Variants in MYH10 observed in about 807,000 individuals in gnomAD.
MYH10 encodes myosin-10.
In MYH10, 55 loss-of-function variants were observed where a neutral mutation model predicts 257.8. That is an observed-to-expected ratio of 0.21 (90% confidence interval 0.17 to 0.27). The LOEUF (loss-of-function observed/expected upper bound fraction) is 0.27, where lower values mean the gene tolerates loss of function less well. Among genes scored for constraint, MYH10 ranks in the 10% least tolerant of loss-of-function variants. The probability of loss-of-function intolerance (pLI) is 1.00; values close to 1 mark genes in which losing one functional copy is unlikely to be tolerated. For missense variants in MYH10, 1,631 were observed against 2,500.6 expected, an observed-to-expected ratio of 0.65 and a Z score of 7.42; for synonymous variants, 854 against 921.7, an observed-to-expected ratio of 0.93 and a Z score of 1.33.
chr17:8,614,528 A>C (rs1380310291), intron 2 of MYH10, among the ~76,000 whole-genome samples: 1 of 152,004 alleles, frequency 6.6e-6, no homozygotes, highest in African/African-American at 2.4e-5. Context: ...CATTTTGGCC[A>C]GGCTGGTCTT....
In MYH10 at chr17:8,506,618, A is replaced by G; in HGVS notation, c.3215-129T>C. On this transcript the variant is annotated intron_variant, in intron 26 of 42. Coordinates refer to ENST00000360416, the MANE Select transcript of MYH10 (RefSeq NM_001256012.3). This position sits in a 1 kb window ranked among gnomAD's most constrained non-coding sequence, Gnocchi z 5.0. ...AAAAGCATGTCACTGCCCTGATGAC[A>G]TGGTCATGCGCTGATGTCAACTGCT... 1.0e-6 allele frequency: 1 copy of G among 954,410 alleles called. No individual in the cohort carries two copies. Among genetic ancestry groups the G allele is most frequent in the South Asian group, 1.6e-5 (1 of 62,458 alleles). The allele number at this position is 954,410 out of a possible 1,614,324, so 59.1% of individuals were successfully genotyped here.
chr17:8,609,542 C>G (rs977512187), intron 2 of MYH10, among the ~76,000 whole-genome samples: 1 of 151,990 alleles, frequency 6.6e-6, no homozygotes. Flanking sequence ...AGATTTATAT[C>G]TGTAACAGAA....
At position 8,581,389 on chromosome 17, in the gene MYH10, A is replaced by T. The variant is rs138450405; in HGVS notation, c.531-4051T>A. 1.4e-3 allele frequency among the ~76,000 whole-genome samples: 218 copies of T among 152,186 alleles called. 1 individual carries two copies. Among genetic ancestry groups the T allele is most frequent in the African/African-American group, 4.1e-3 (171 of 41,514 alleles). The stretch of plus-strand genomic sequence containing the variant: ...TTAGACTGATGATGACTTGTCTCAA[A>T]TATAGTTATGATTGTTACTTTCCAG... On this transcript the variant is annotated intron_variant, in intron 4 of 42. Transcript: ENST00000360416.
intron 7 of MYH10, among the ~76,000 whole-genome samples, chr17:8,554,628 ACT>A (rs1316401901): frequency 1.3e-5 from 2 of 152,186 alleles, no homozygotes; most frequent in Non-Finnish European, 2.9e-5. Context: ...TTGTCATAAC[ACT>A]GAGTACCCAA....
At chr17:8,542,960 T>G (rs2082332255) in intron 13 of MYH10, among the ~76,000 whole-genome samples, 1 of 152,214 alleles carries the variant, frequency 6.6e-6, no homozygotes, top group African/African-American at 2.4e-5. Flanking sequence ...TAAAGTGAAT[T>G]TAGGCATTTT....
intron 21 of MYH10, 124 bp from the exon 22 acceptor site, chr17:8,514,018 CA>C: frequency 1.2e-6 from 1 of 869,020 alleles, no homozygotes; most frequent in South Asian, 1.7e-5. Flanking sequence ...TTGCATCAAT[CA>C]AGTCCTGGGT....
chr17:8,586,207 C>A (rs1014851447), intron 4 of MYH10, among the ~76,000 whole-genome samples: 17 of 152,146 alleles, frequency 1.1e-4, no homozygotes, highest in South Asian at 6.2e-4. Context: ...TTCACAGGAC[C>A]CTTTTGTCAG....
chr17:8,615,234 C>T (rs1333603167), intron 2 of MYH10, among the ~76,000 whole-genome samples: 2 of 151,830 alleles, frequency 1.3e-5, no homozygotes, highest in Non-Finnish European at 2.9e-5. Flanking sequence ...GCTATGATTG[C>T]ACCAGTGCAA....
chr17:8,548,881 G>T, intron 9 of MYH10, 94 bp from the exon 10 acceptor site: 1 of 1,092,028 alleles, frequency 9.2e-7, no homozygotes, highest in Non-Finnish European at 1.3e-6. Flanking sequence ...TCACAGGAGA[G>T]CAGTGGTCAC....
intron 36 of MYH10, among the ~76,000 whole-genome samples, chr17:8,485,498 G>A (rs1914610156): frequency 1.3e-5 from 2 of 148,966 alleles, no homozygotes; most frequent in Non-Finnish European, 3.0e-5. Flanking sequence ...TTAAGCTAAG[G>A]CAGGTGTGGA....
At chr17:8,540,149 C>T (rs1367257905) in intron 14 of MYH10, among the ~76,000 whole-genome samples, 4 of 152,162 alleles carry the variant, frequency 2.6e-5, no homozygotes, top group Admixed American at 2.0e-4. Flanking sequence ...GCCACCACAT[C>T]CGGCTAATTT....
chr17:8,546,792 C>G, intron 11 of MYH10, 130 bp from the exon 12 acceptor site: 1 of 634,674 alleles, frequency 1.6e-6, no homozygotes, highest in Non-Finnish European at 2.6e-6. Context: ...GTCTTAAAAT[C>G]AGACAAGTTT....
chr17:8,577,631 A>C (rs1047571063), intron 4 of MYH10, among the ~76,000 whole-genome samples: 2 of 152,166 alleles, frequency 1.3e-5, no homozygotes, highest in Non-Finnish European at 2.9e-5. Flanking sequence ...TCCCGGCTTC[A>C]AGGAATTTTT....
chr17:8,478,374 C>T lies in MYH10; in HGVS notation c.5670G>A (p.Glu1890=). Residue 1890 remains glutamate, a synonymous_variant, in exon 41 of 43, where the codon GAG becomes GAA. Coordinates refer to ENST00000360416, the MANE Select transcript of MYH10 (RefSeq NM_001256012.3). ...KKLKEIFMQV[E]DERRHADQYK... is the part of the protein sequence containing the mutation. ...ACTGGTCCGCGTGTCGACGCTCATC[C>T]TCAACCTGCATGAAGATTTCTTTCA... 1 of 1,614,194 alleles carries T rather than the reference C, an allele frequency of 6.2e-7. No individual in the cohort carries two copies. Among genetic ancestry groups the T allele is most frequent in the Non-Finnish European group, 8.5e-7 (1 of 1,180,008 alleles).
At chr17:8,621,461 A>G (rs1208706657) in intron 2 of MYH10, among the ~76,000 whole-genome samples, 2 of 151,796 alleles carry the variant, frequency 1.3e-5, no homozygotes, top group Non-Finnish European at 2.9e-5. Flanking sequence ...AGCCCCCCAC[A>G]CTCACAGACC....
chr17:8,512,512 T>G lies in MYH10; in HGVS notation c.2891A>C (p.Glu964Ala). The change falls in exon 24 of 43, where the codon GAA (glutamate) becomes GCA (alanine). Residue 964 changes from glutamate to alanine, a missense_variant. Coordinates refer to ENST00000360416, the MANE Select transcript of MYH10 (RefSeq NM_001256012.3). ...ILHDLESRVE[E>A]EEERNQILQN... ...GAGGATTTGGTTTCTTTCTTCTTCT[T>G]CTTCAACCCTAGACTCCAAGTCATG... is the stretch of plus-strand genomic sequence containing the variant. 1 of 1,613,960 alleles carries G rather than the reference T, an allele frequency of 6.2e-7. No individual in the cohort carries two copies. Among genetic ancestry groups the G allele is most frequent in the Non-Finnish European group, 8.5e-7 (1 of 1,179,976 alleles).
At chr17:8,607,595 T>C (rs2084859491) in intron 2 of MYH10, among the ~76,000 whole-genome samples, 1 of 152,208 alleles carries the variant, frequency 6.6e-6, no homozygotes, top group African/African-American at 2.4e-5. Flanking sequence ...AGCTCTTGTA[T>C]AAACTGATCA....
rs997893774 is a variant in MYH10 at position 8,477,738 on chromosome 17, T to C, written c.5706+600A>G. Among the ~76,000 whole-genome samples, 1 of 152,178 alleles carries C rather than the reference T, an allele frequency of 6.6e-6. No individual in the cohort carries two copies. The highest frequency in any genetic ancestry group is 2.4e-5 in the African/African-American group (1 of 41,448). ...AGTGAAATCCTCAGATCCATCCACC[T>C]TTCTGGCCAGTGTCTGCAGTGTGAA... On this transcript the variant is annotated intron_variant, in intron 41 of 42. Coordinates refer to ENST00000360416, the MANE Select transcript of MYH10 (RefSeq NM_001256012.3). The surrounding 1 kb of genome is among the most constrained non-coding windows in gnomAD (Gnocchi z 4.2).
At chr17:8,546,170 C>T (rs1241810814) in intron 12 of MYH10, among the ~76,000 whole-genome samples, 10 of 151,874 alleles carry the variant, frequency 6.6e-5, no homozygotes, top group East Asian at 1.9e-4. Flanking sequence ...GCAATTCTCC[C>T]GTCTCAGCCT....
Sources: gnomAD v4.1 joint callset for allele counts (sites outside exome capture counted in the v4.1 genomes callset) on GRCh38, gnomAD v4.1.1 for gene constraint, Gnocchi (gnomAD v3.1) non-coding constraint, MANE v1.5 for transcripts, NCBI Gene and HGNC (gene_info 2026-07-23, HGNC 2026-07-21) for gene names.